Variants in DCT observed in about 807,000 individuals in gnomAD.
The protein encoded by DCT is dopachrome tautomerase, also known as L-dopachrome tautomerase.
Under a neutral mutation model 53.0 loss-of-function variants are expected in DCT, and 47 were observed. That is an observed-to-expected ratio of 0.89 (90% confidence interval 0.70 to 1.13). The LOEUF (loss-of-function observed/expected upper bound fraction) is 1.13. Among genes scored for constraint, DCT ranks in the 50% most tolerant of loss-of-function variants. The pLI, the probability that DCT is intolerant of heterozygous loss-of-function variation, is 0.00. For synonymous variants in DCT, 244 were observed against 237.0 expected, an observed-to-expected ratio of 1.03 and a Z score of -0.27; for missense variants, 669 against 637.4, an observed-to-expected ratio of 1.05 and a Z score of -0.53.
In DCT at chr13:94,468,823, T is replaced by G. The variant is rs1162093942; in HGVS notation, c.518A>C (p.Gln173Pro). 6.8e-6 allele frequency: 11 copies of G among 1,614,064 alleles called. No individual in the cohort carries two copies. Among genetic ancestry groups the G allele is most frequent in the Non-Finnish European group, 7.6e-6 (9 of 1,180,036 alleles). The change falls in exon 2 of 8, where the codon CAG (glutamine) becomes CCG (proline). Residue 173 changes from glutamine (Q) to proline (P), a missense_variant. By Grantham distance (76) the Gln-to-Pro change is moderately conservative (BLOSUM62 -1). Transcript: ENST00000377028. ...WLGLLGPNGT[Q>P]PQFANCSVYD... ...AACACTGCAGTTGGCAAACTGCGGCTGGGTTCCATTGGGCCCAAGCAGGCC... is the reference window on the plus strand; with the variant it reads ...AACACTGCAGTTGGCAAACTGCGGCGGGGTTCCATTGGGCCCAAGCAGGCC...
intron 6 of DCT, 74 bp from the exon 7 acceptor site, chr13:94,443,711 T>G: frequency 8.2e-7 from 1 of 1,217,710 alleles, no homozygotes; most frequent in South Asian, 1.3e-5. Flanking sequence ...TGTTGCTTTC[T>G]CTAAAGTGGA....
rs908194476 is a variant in DCT at position 94,439,633 on chromosome 13, G to A, written c.*265C>T. 4 of 276,590 alleles carry A rather than the reference G, an allele frequency of 1.4e-5. No homozygotes were observed. The highest frequency in any genetic ancestry group is 5.1e-5 in the Admixed American group (1 of 19,626). The allele number at this position is 276,590 out of a possible 1,614,324, so 17.1% of individuals were successfully genotyped here. A position where few individuals can be genotyped will look rare whatever the true frequency, so the allele number is the denominator to read the frequency against. On this transcript the variant is annotated 3_prime_UTR_variant, in exon 8 of 8. Coordinates refer to ENST00000377028, the MANE Select transcript of DCT (RefSeq NM_001922.5). ...GGAGGCTTAATCAATATTGGGGGGG[G>A]GGTTATTATTAGATATCACAAATTG...
At chr13:94,528,819 A>T in the DCT span, among the ~76,000 whole-genome samples, 2 of 151,168 alleles carry the variant, frequency 1.3e-5, no homozygotes, top group African/African-American at 4.9e-5. Flanking sequence ...AATGGGCTAA[A>T]GCCCCAATTA....
At chr13:94,463,879 A>G (rs112835747) in intron 4 of DCT, among the ~76,000 whole-genome samples, 395 of 152,310 alleles carry the variant, frequency 2.6e-3, no homozygotes, top group Middle Eastern at 0.01. Context: ...CGTTTCCCAA[A>G]GTGGATTCCA....
At chr13:94,494,352 T>A in the DCT span, among the ~76,000 whole-genome samples, 1 of 152,196 alleles carries the variant, frequency 6.6e-6, no homozygotes, top group Admixed American at 6.5e-5. Context: ...TTGTTTGTGC[T>A]CCTTAAGTCT....
intron 6 of DCT, among the ~76,000 whole-genome samples, chr13:94,449,672 C>CT (rs1390049131): frequency 6.6e-6 from 1 of 152,190 alleles, no homozygotes; most frequent in Non-Finnish European, 1.5e-5. Flanking sequence ...TTGGTTTGGA[C>CT]TTTTTAAATG....
At chr13:94,477,480 G>T (rs1885166959) in intron 1 of DCT, among the ~76,000 whole-genome samples, 1 of 143,702 alleles carries the variant, frequency 7.0e-6, no homozygotes, top group Non-Finnish European at 1.5e-5. Flanking sequence ...AGGCACTGGG[G>T]ACTGCTAGAG....
intron 6 of DCT, chr13:94,444,458 T>G: frequency 2.0e-6 from 1 of 498,402 alleles, no homozygotes. Context: ...ATGTACAAAG[T>G]GCTCATTTAT....
intron 7 of DCT, among the ~76,000 whole-genome samples, chr13:94,440,826 A>G (rs932649610): frequency 3.3e-5 from 5 of 151,510 alleles, no homozygotes; most frequent in South Asian, 4.2e-4. Flanking sequence ...GATTACAGGC[A>G]CCCATCACCA....
the DCT span, among the ~76,000 whole-genome samples, chr13:94,536,113 C>A: frequency 1.3e-5 from 2 of 152,132 alleles, no homozygotes; most frequent in African/African-American, 4.8e-5. Flanking sequence ...AAAAATTTAG[C>A]CTTTTATTTA....
chr13:94,495,418 T>C, the DCT span, among the ~76,000 whole-genome samples: 5 of 152,202 alleles, frequency 3.3e-5, no homozygotes, highest in East Asian at 7.7e-4. Context: ...TTTTTAATGC[T>C]TTTGTTATAT....
chr13:94,524,535 A>G, the DCT span, among the ~76,000 whole-genome samples: 2 of 152,186 alleles, frequency 1.3e-5, no homozygotes, highest in African/African-American at 4.8e-5. Flanking sequence ...AGGAGGTGGG[A>G]AAGCGTGAGC....
At chr13:94,480,598 T>G (rs1885401166), upstream of DCT, among the ~76,000 whole-genome samples, 1 of 152,220 alleles carries the variant, frequency 6.6e-6, no homozygotes, top group African/African-American at 2.4e-5. Context: ...TCCCACCCCC[T>G]GTACCTCTGT....
chr13:94,460,450 T>C (rs1353604041), intron 5 of DCT, among the ~76,000 whole-genome samples: 1 of 152,240 alleles, frequency 6.6e-6, no homozygotes, highest in Non-Finnish European at 1.5e-5. Context: ...ATCTCTTTTG[T>C]GTACTGTATG....
At chr13:94,502,031 C>A in the DCT span, among the ~76,000 whole-genome samples, 1 of 45,104 alleles carries the variant, frequency 2.2e-5, no homozygotes, top group East Asian at 1.5e-3. Flanking sequence ...TAGCCCCAGC[C>A]CCCACTTCTG....
chr13:94,509,093 T>C, the DCT span, among the ~76,000 whole-genome samples: 4 of 152,188 alleles, frequency 2.6e-5, no homozygotes, highest in South Asian at 4.1e-4. Flanking sequence ...CTACCTATTA[T>C]GTTGAGTTGA....
chr13:94,544,280 C>T, the DCT span, among the ~76,000 whole-genome samples: 1 of 151,966 alleles, frequency 6.6e-6, no homozygotes, highest in Non-Finnish European at 1.5e-5. Flanking sequence ...TCAGAATGCC[C>T]GGCACATAGA....
chr13:94,492,894 A>T, the DCT span, among the ~76,000 whole-genome samples: 5 of 152,070 alleles, frequency 3.3e-5, no homozygotes, highest in Admixed American at 6.6e-5. Context: ...GTCTATATTG[A>T]CCCCTGATCG....
chr13:94,507,438 T>C, the DCT span, among the ~76,000 whole-genome samples: 1 of 152,022 alleles, frequency 6.6e-6, no homozygotes, highest in Non-Finnish European at 1.5e-5. Context: ...ACACCTTTGA[T>C]GTGGGCTATC....
Sources: allele counts gnomAD v4.1 joint callset (sites outside exome capture counted in the v4.1 genomes callset), GRCh38; gene constraint gnomAD v4.1.1; transcripts MANE v1.5; gene names NCBI Gene and HGNC (gene_info 2026-07-23, HGNC 2026-07-21).